NTN4: variants seen among roughly 807,000 people sequenced by gnomAD.
NTN4 encodes netrin 4, also known as netrin-4.
In NTN4, 32 loss-of-function variants were observed where a neutral mutation model predicts 73.6. That is an observed-to-expected ratio of 0.44 (90% CI 0.33 to 0.58). The LOEUF (loss-of-function observed/expected upper bound fraction) is 0.58. Ranked by LOEUF, NTN4 falls within the 20% of genes least tolerant of loss-of-function variation. The pLI is 0.04. For synonymous variants in NTN4, 258 were observed against 287.5 expected, an observed-to-expected ratio of 0.90 and a Z score of 1.04; for missense variants, 654 against 798.3, an observed-to-expected ratio of 0.82 and a Z score of 2.18.
chr12:95,729,019 T>C lies in NTN4; in HGVS notation c.864+8847A>G, dbSNP rs538270140. On this transcript the variant is annotated intron_variant, in intron 3 of 9. Transcript: ENST00000343702. ...TTCCTGAGGCCTCCCCAGAAGCAGA[T>C]GCTGCCATGCTTCCTGTACAGCCTG... Among the ~76,000 whole-genome samples, 5 of 152,312 alleles carry C rather than the reference T, an allele frequency of 3.3e-5. 1 individual carries two copies. The South Asian group carries it at 1.0e-3, about 32-fold the overall frequency.
At chr12:95,749,232 T>C (rs535227272) in intron 2 of NTN4, among the ~76,000 whole-genome samples, 2 of 152,308 alleles carry the variant, frequency 1.3e-5, no homozygotes, top group East Asian at 3.9e-4. Context: ...TAAACAGCCA[T>C]GTTGCTCACA....
intron 9 of NTN4, among the ~76,000 whole-genome samples, chr12:95,659,754 CCTT>C (rs2078121806): frequency 6.6e-6 from 1 of 152,116 alleles, no homozygotes. Context: ...ATAATTTTTT[CCTT>C]CTTGTTTTGC....
At chr12:95,674,524 A>G (rs2078258619) in intron 7 of NTN4, among the ~76,000 whole-genome samples, 1 of 152,116 alleles carries the variant, frequency 6.6e-6, no homozygotes, top group East Asian at 1.9e-4. Context: ...AAAAAAAAAA[A>G]GAGCATTGTT....
At position 95,696,941 on chromosome 12, in the gene NTN4, C is replaced by T. The variant is rs186894289; in HGVS notation, c.1181-13230G>A. The stretch of plus-strand genomic sequence containing the variant: ...CCTCAGTACTTTGGGAGGTTGAGGC[C>T]GGAGGTTCACTTGAGCCCAGGAGTT... On this transcript the variant is annotated intron_variant, in intron 5 of 9. Transcript: ENST00000343702. Among the ~76,000 whole-genome samples, 30 of 151,804 alleles carry T rather than the reference C, an allele frequency of 2.0e-4. No individual in the cohort carries two copies. The East Asian group carries it at 3.7e-3, about 19-fold the overall frequency.
At chr12:95,714,980 C>T (rs17287195) in intron 3 of NTN4, among the ~76,000 whole-genome samples, 44,856 of 151,944 alleles carry the variant, frequency 0.3, 7,514 homozygotes, top group South Asian at 0.47. Context: ...TACTGCTTGA[C>T]CTAAGATAAC....
intron 2 of NTN4, among the ~76,000 whole-genome samples, chr12:95,767,794 C>G (rs987540631): frequency 6.6e-6 from 1 of 152,054 alleles, no homozygotes; most frequent in Non-Finnish European, 1.5e-5. Context: ...AGATCTGTAC[C>G]TTTCCATCTA....
At chr12:95,716,939 A>C (rs115077353) in intron 3 of NTN4, among the ~76,000 whole-genome samples, 8,633 of 152,050 alleles carry the variant, frequency 0.057, 807 homozygotes, top group African/African-American at 0.2. Flanking sequence ...TCTCCCGAGT[A>C]GCTTGGACAA....
chr12:95,710,749 TC>T, intron 4 of NTN4, 120 bp from the exon 5 acceptor site: 1 of 879,564 alleles, frequency 1.1e-6, no homozygotes, highest in Non-Finnish European at 1.7e-6. Flanking sequence ...ACACCTGTAA[TC>T]CCAGCACTTG....
chr12:95,687,729 G>C (rs1321744343), intron 5 of NTN4, among the ~76,000 whole-genome samples: 1 of 151,864 alleles, frequency 6.6e-6, no homozygotes, highest in East Asian at 1.9e-4. Flanking sequence ...ATAATTATTT[G>C]TTGATATGCC....
intron 2 of NTN4, among the ~76,000 whole-genome samples, chr12:95,750,899 C>A (rs1372630426): frequency 7.9e-5 from 12 of 152,326 alleles, no homozygotes; most frequent in African/African-American, 1.2e-4. Flanking sequence ...AGCCCTCCCC[C>A]ACCTGCCCAG....
chr12:95,710,239 T>C (rs956185361), intron 5 of NTN4, among the ~76,000 whole-genome samples: 5 of 152,148 alleles, frequency 3.3e-5, no homozygotes, highest in Admixed American at 3.3e-4. Context: ...AGAAAGGAAA[T>C]TACTTTGATG....
At chr12:95,708,977 TGG>T (rs1418908600) in intron 5 of NTN4, among the ~76,000 whole-genome samples, 2 of 152,124 alleles carry the variant, frequency 1.3e-5, no homozygotes, top group Non-Finnish European at 2.9e-5. Context: ...AACAGGATGC[TGG>T]GAGAAATATT....
chr12:95,741,157 C>CA (rs915113681), intron 2 of NTN4, among the ~76,000 whole-genome samples: 1 of 151,884 alleles, frequency 6.6e-6, no homozygotes, highest in Non-Finnish European at 1.5e-5. Context: ...TGTGGATGTA[C>CA]AGACAGTAGT....
At chr12:95,746,006 T>C (rs1474347856) in intron 2 of NTN4, among the ~76,000 whole-genome samples, 3 of 152,216 alleles carry the variant, frequency 2.0e-5, no homozygotes, top group African/African-American at 7.2e-5. Context: ...ATGCCCAACC[T>C]TGTTTTTACT....
chr12:95,710,537 A>C lies in NTN4; in HGVS notation c.1084T>G (p.Cys362Gly), dbSNP rs777971896. The C allele has an allele frequency of 6.2e-7, 1 of 1,614,142 alleles. No homozygotes were observed. The highest frequency in any genetic ancestry group is 2.2e-5 in the East Asian group (1 of 44,884). The change falls in exon 5 of 10, where the codon TGT becomes GGT. Residue 362 changes from cysteine (C) to glycine (G), a missense_variant. Physicochemically the swap from Cys to Gly is radical, Grantham distance 159. Coordinates refer to ENST00000343702, the MANE Select transcript of NTN4 (RefSeq NM_021229.4). ...GNRSGGVCDD[C>G]QHNTEGQYCQ... Reference sequence around the variant, plus strand: ...TACTGTCCTTCTGTGTTGTGCTGACAGTCATCACAGACACCACCACTACGA... The same window carrying C: ...TACTGTCCTTCTGTGTTGTGCTGACCGTCATCACAGACACCACCACTACGA...
chr12:95,779,381 TG>T (rs1430656961), intron 2 of NTN4, among the ~76,000 whole-genome samples: 6 of 152,354 alleles, frequency 3.9e-5, no homozygotes, highest in South Asian at 2.1e-4. Flanking sequence ...TGTTTGCAGA[TG>T]ACATGATTGT....
chr12:95,743,964 C>T (rs935824888), intron 2 of NTN4, among the ~76,000 whole-genome samples: 2 of 152,048 alleles, frequency 1.3e-5, no homozygotes, highest in Non-Finnish European at 1.5e-5. Context: ...GGCAGTAGCG[C>T]GATCTTGGCT....
chr12:95,744,036 G>A (rs1400658683), intron 2 of NTN4, among the ~76,000 whole-genome samples: 1 of 152,062 alleles, frequency 6.6e-6, no homozygotes, highest in African/African-American at 2.4e-5. Flanking sequence ...CAGGTAGTTG[G>A]GATTACAGGC....
intron 3 of NTN4, among the ~76,000 whole-genome samples, chr12:95,735,320 G>C (rs1238104017): frequency 6.6e-6 from 1 of 151,968 alleles, no homozygotes; most frequent in East Asian, 1.9e-4. Flanking sequence ...ACATAGTCTT[G>C]GCCACTTAGG....
Sources: allele counts gnomAD v4.1 joint callset (sites outside exome capture counted in the v4.1 genomes callset), GRCh38; gene constraint gnomAD v4.1.1; transcripts MANE v1.5; gene names NCBI Gene and HGNC (gene_info 2026-07-23, HGNC 2026-07-21).